The following LRRK1 variants were observed in gnomAD, a reference collection of about 807,000 sequenced individuals.
The protein encoded by LRRK1 is leucine rich repeat kinase 1.
A neutral mutation model predicts 209.1 loss-of-function variants in LRRK1; 113 were observed. The observed-to-expected ratio is 0.54, with a 90% CI of 0.46 to 0.63. The LOEUF (loss-of-function observed/expected upper bound fraction) is 0.63, where lower values mean the gene tolerates loss of function less well. LRRK1 is among the 30% of genes least tolerant of loss of function. The probability of loss-of-function intolerance (pLI) is 0.00; values close to 1 mark genes in which losing one functional copy is unlikely to be tolerated. For missense variants in LRRK1, 2,284 were observed against 2,632.2 expected (o/e 0.87, Z 2.89); for synonymous variants, 1,144 against 1,099.7 (o/e 1.04, Z -0.80).
At chr15:100,921,102 C>T (rs1001985840) in intron 1 of LRRK1, among the ~76,000 whole-genome samples, 2 of 152,196 alleles carry the variant, frequency 1.3e-5, no homozygotes, top group Non-Finnish European at 2.9e-5. Context: ...TGTTTAATTT[C>T]TCCTTAATTA....
intron 2 of LRRK1, among the ~76,000 whole-genome samples, chr15:100,928,284 C>A (rs372075687): frequency 1.3e-5 from 2 of 152,188 alleles, no homozygotes; most frequent in East Asian, 1.9e-4. Context: ...GGAATAAATG[C>A]GGAATACTTG....
At chr15:101,046,223 G>A in intron 21 of LRRK1, 71 bp downstream of exon 21, 1 of 1,509,110 alleles carries the variant, frequency 6.6e-7, no homozygotes, top group Non-Finnish European at 9.1e-7. Flanking sequence ...TGGGGGAGGG[G>A]AATGCCCTTT....
intron 33 of LRRK1, 50 bp downstream of exon 33, chr15:101,066,791 A>T: frequency 6.9e-7 from 1 of 1,446,720 alleles, no homozygotes; most frequent in Non-Finnish European, 9.7e-7. Context: ...GCATGAGCAC[A>T]GAAGGCCCTG....
In LRRK1 at chr15:100,997,931, G is replaced by A. The variant is rs182211368; in HGVS notation, c.762+8533G>A. Among the ~76,000 whole-genome samples the A allele has an allele frequency of 7.8e-3, 1,184 of 152,268 alleles. 15 individuals are homozygous for A. The highest frequency in any genetic ancestry group is 0.027 in the African/African-American group (1,138 of 41,544). ...GCGGTGGCTCACGCCTATAATCCCA[G>A]CACATTGGGAGGCCAAGGTGGTGGA... On this transcript the variant is annotated intron_variant, in intron 6 of 33. Transcript: ENST00000388948.
intron 31 of LRRK1, 119 bp downstream of exon 31, chr15:101,062,809 G>A (rs1002453157): frequency 1.3e-6 from 1 of 755,926 alleles, no homozygotes; most frequent in African/African-American, 1.7e-5. Context: ...CCTGGCCTAG[G>A]ACGTAGACTT....
chr15:101,003,798 C>T (rs937859168), intron 6 of LRRK1, among the ~76,000 whole-genome samples: 4 of 152,146 alleles, frequency 2.6e-5, no homozygotes, highest in African/African-American at 7.2e-5. Context: ...AACCATATCA[C>T]CCTCTTAGCT....
intron 29 of LRRK1, among the ~76,000 whole-genome samples, chr15:101,060,012 G>T (rs115073765): frequency 6.6e-6 from 1 of 152,176 alleles, no homozygotes; most frequent in Non-Finnish European, 1.5e-5. Flanking sequence ...AGACAGTTCC[G>T]CTCAGGGCTC....
intron 21 of LRRK1, among the ~76,000 whole-genome samples, chr15:101,046,898 G>T (rs1297594039): frequency 6.6e-6 from 1 of 152,192 alleles, no homozygotes; most frequent in Non-Finnish European, 1.5e-5. Context: ...GAACATGGAA[G>T]CAACATTTGC....
rs796213769 is a variant in LRRK1, at chr15:101,008,142, CAAAAAAAAAAAAAAAAAAAA to C, written c.763-680_763-661del. On this transcript the variant is annotated intron_variant, in intron 6 of 33. Transcript: ENST00000388948. ...TGGGCGACAGAGCGAGACTCCATCT[CAAAAAAAAAAAAAAAAAAAA>C]AAAAAAAAAAAAAAGAGGCTGGCCT... Among the ~76,000 whole-genome samples, 18 of 74,144 alleles carry C rather than the reference CAAAAAAAAAAAAAAAAAAAA, an allele frequency of 2.4e-4. 2 individuals are homozygous for C. Among genetic ancestry groups the C allele is most frequent in the Admixed American group, 2.3e-3 (12 of 5,328 alleles). 48.6% of individuals were successfully genotyped at this position (74,144 alleles called of 152,430 possible).
chr15:100,959,662 G>A (rs1402384737), intron 2 of LRRK1, among the ~76,000 whole-genome samples: 1 of 152,226 alleles, frequency 6.6e-6, no homozygotes, highest in Non-Finnish European at 1.5e-5. Context: ...CCCCATTTGT[G>A]TGCTCACCGC....
chr15:101,046,224 A>G (rs1482918611), intron 21 of LRRK1, 72 bp downstream of exon 21: 14 of 1,503,104 alleles, frequency 9.3e-6, no homozygotes, highest in African/African-American at 4.1e-5. Flanking sequence ...GGGGGAGGGG[A>G]ATGCCCTTTG....
chr15:100,953,295 C>T (rs547007110), intron 2 of LRRK1, among the ~76,000 whole-genome samples: 6 of 152,090 alleles, frequency 3.9e-5, no homozygotes, highest in Non-Finnish European at 7.4e-5. Context: ...TCTCCCATGC[C>T]CCAGCTCTTG....
At chr15:100,981,383 G>A (rs2031589520) in intron 3 of LRRK1, among the ~76,000 whole-genome samples, 1 of 152,120 alleles carries the variant, frequency 6.6e-6, no homozygotes, top group African/African-American at 2.4e-5. Context: ...AGGGCTACTG[G>A]GCCTCACCCT....
chr15:101,010,875 A>G (rs2033202609), intron 9 of LRRK1, 38 bp downstream of exon 9: 2 of 1,586,086 alleles, frequency 1.3e-6, no homozygotes, highest in South Asian at 1.1e-5. Flanking sequence ...GCCACAGTCA[A>G]CTCTGCCTCT....
chr15:101,048,684 C>G, intron 22 of LRRK1, 27 bp downstream of exon 22: 1 of 1,479,026 alleles, frequency 6.8e-7, no homozygotes, highest in Non-Finnish European at 8.9e-7. Context: ...GCCCACCTGC[C>G]AGGTCAGCAG....
rs954895699 is a variant in LRRK1, at chr15:100,924,574, C to A, written c.-59C>A. 15 of 1,450,924 alleles carry A rather than the reference C, an allele frequency of 1.0e-5. No individual in the cohort carries two copies. The highest frequency in any genetic ancestry group is 1.5e-5 in the Non-Finnish European group (15 of 1,033,244). The allele number at this position is 1,450,924 out of a possible 1,614,324, so 89.9% of individuals were successfully genotyped here. A position where few individuals can be genotyped will look rare whatever the true frequency, so the allele number is the denominator to read the frequency against. On this transcript the variant is annotated 5_prime_UTR_variant, in exon 2 of 34. Coordinates refer to ENST00000388948, the MANE Select transcript of LRRK1 (RefSeq NM_024652.6). ...ACGCCTTAATGCACCCCACAGCCAG[C>A]GGCAGTGGCAGTGACAACAGCGGGA...
chr15:100,940,806 C>T (rs1435373495), intron 2 of LRRK1, among the ~76,000 whole-genome samples: 1 of 152,218 alleles, frequency 6.6e-6, no homozygotes, highest in Non-Finnish European at 1.5e-5. Context: ...GAACAGTTGA[C>T]AATACCAAGC....
At chr15:100,958,245 T>A (rs2042805280) in intron 2 of LRRK1, among the ~76,000 whole-genome samples, 1 of 152,240 alleles carries the variant, frequency 6.6e-6, no homozygotes, top group Non-Finnish European at 1.5e-5. Flanking sequence ...GCAGCATTTT[T>A]AAATAAGGGA....
intron 2 of LRRK1, among the ~76,000 whole-genome samples, chr15:100,956,455 C>CTTTTTCTTTTATTTTTTTTTTTT: frequency 1.7e-5 from 1 of 60,526 alleles, no homozygotes; most frequent in African/African-American, 8.5e-5. Context: ...TTTTTTTTTT[C>CTTTTTCTTTTATTTTTTTTTTTT]TTTTTTTTTT....
Sources: allele counts gnomAD v4.1 joint callset (sites outside exome capture counted in the v4.1 genomes callset), GRCh38; gene constraint gnomAD v4.1.1; transcripts MANE v1.5; gene names NCBI Gene and HGNC (gene_info 2026-07-23, HGNC 2026-07-21).